The following TNS1 variants were observed in gnomAD, a reference collection of about 807,000 sequenced individuals.
TNS1 encodes tensin-1.
Under a neutral mutation model 168.6 loss-of-function variants are expected in TNS1, and 62 were observed. The ratio of observed to expected loss-of-function variants is 0.37; its 90% CI spans 0.30 to 0.45. TNS1 has a LOEUF of 0.45. Ranked by LOEUF, TNS1 falls within the 20% of genes least tolerant of loss-of-function variation. The pLI, the probability that TNS1 is intolerant of heterozygous loss-of-function variation, is 1.00. For missense variants in TNS1, 2,240 were observed against 2,339.4 expected (o/e 0.96, Z 0.88); for synonymous variants, 934 against 933.2 (o/e 1.00, Z -0.02).
At chr2:217,987,858 G>A (rs557368426) in intron 2 of TNS1, among the ~76,000 whole-genome samples, 17 of 152,276 alleles carry the variant, frequency 1.1e-4, no homozygotes, top group Admixed American at 5.2e-4. Flanking sequence ...CAACCATATC[G>A]GGTGGCCCTG....
chr2:217,968,141 T>C (rs1163544458), intron 3 of TNS1, among the ~76,000 whole-genome samples: 5 of 152,216 alleles, frequency 3.3e-5, no homozygotes, highest in Non-Finnish European at 4.4e-5. Context: ...GAAGGAAACT[T>C]CCTCAACCTG....
At position 217,986,376 on chromosome 2, in the gene TNS1, C is replaced by A. The variant is rs1958192493; in HGVS notation, c.148+4566G>T. Among the ~76,000 whole-genome samples, 1 of 152,224 alleles carries A rather than the reference C, an allele frequency of 6.6e-6. No individual in the cohort carries two copies. Among genetic ancestry groups the A allele is most frequent in the African/African-American group, 2.4e-5 (1 of 41,458 alleles). ...CCCTAAGGAAACTGCAGGTGACTGT[C>A]CCCCATTCCAGGCTCACCAGAGGCA... On this transcript the variant is annotated intron_variant, in intron 2 of 32. Transcript: ENST00000682258. This position sits in a 1 kb window ranked among gnomAD's most constrained non-coding sequence, Gnocchi z 4.7.
intron 22 of TNS1, among the ~76,000 whole-genome samples, chr2:217,830,649 C>T (rs1227217120): frequency 2.6e-5 from 4 of 152,248 alleles, no homozygotes; most frequent in African/African-American, 9.6e-5. Flanking sequence ...GCCAACAGGA[C>T]AGGCTGTTTG....
chr2:217,848,963 G>A lies in TNS1; in HGVS notation c.1554C>T (p.Pro518=). The A allele has an allele frequency of 1.2e-6, 2 of 1,614,136 alleles. No homozygotes were observed. Among genetic ancestry groups the A allele is most frequent in the Non-Finnish European group, 1.7e-6 (2 of 1,180,022 alleles). ...NATRPTLSAT[P]NHVEHTLSVS... ...CAGAAAGCGTGTGTTCCACGTGGTT[G>A]GGGGTGGCCGACAGTGTAGGACGTG... The change falls in exon 19 of 33, where the codon CCC becomes CCT. Residue 518 remains proline (P), a synonymous_variant. Coordinates refer to ENST00000682258, the MANE Select transcript of TNS1 (RefSeq NM_001387777.1).
chr2:217,846,643 C>T (rs1946684806), intron 19 of TNS1, among the ~76,000 whole-genome samples: 1 of 152,220 alleles, frequency 6.6e-6, no homozygotes, highest in African/African-American at 2.4e-5. Context: ...CAAGTTCAGC[C>T]ACCCTTGTGG....
At chr2:217,823,306 T>C (rs565044385) in intron 22 of TNS1, among the ~76,000 whole-genome samples, 72 of 152,178 alleles carry the variant, frequency 4.7e-4, no homozygotes, top group Non-Finnish European at 8.1e-4. Flanking sequence ...TGGGCATGGC[T>C]GGGTTGCCAT....
At chr2:217,899,563 C>T (rs991720060) in intron 7 of TNS1, among the ~76,000 whole-genome samples, 1 of 152,176 alleles carries the variant, frequency 6.6e-6, no homozygotes, top group South Asian at 2.1e-4. Flanking sequence ...GAAAAACTCG[C>T]AAGACAAGCT....
chr2:217,930,336 C>T (rs963305901), intron 3 of TNS1, among the ~76,000 whole-genome samples: 5 of 152,224 alleles, frequency 3.3e-5, no homozygotes, highest in Admixed American at 6.5e-5. Context: ...CTTTCCCAGT[C>T]GGGGGTCACA....
chr2:217,915,410 C>T (rs1347995866), intron 4 of TNS1, among the ~76,000 whole-genome samples: 1 of 152,206 alleles, frequency 6.6e-6, no homozygotes, highest in Non-Finnish European at 1.5e-5. Context: ...CACCCTGTGG[C>T]TCCAGGTCTA....
chr2:217,954,011 C>A (rs1481451495), intron 3 of TNS1, among the ~76,000 whole-genome samples: 2 of 152,194 alleles, frequency 1.3e-5, no homozygotes, highest in Admixed American at 6.5e-5. Flanking sequence ...GCATTTAGGG[C>A]CAGAAGGGGA....
At chr2:217,838,203 A>G (rs1384842772) in intron 19 of TNS1, among the ~76,000 whole-genome samples, 1 of 152,210 alleles carries the variant, frequency 6.6e-6, no homozygotes, top group Non-Finnish European at 1.5e-5. Context: ...AGGGGTGGCC[A>G]GTTTCCCTGC....
At chr2:217,914,522 T>A (rs532406960) in intron 4 of TNS1, among the ~76,000 whole-genome samples, 7 of 152,316 alleles carry the variant, frequency 4.6e-5, no homozygotes, top group African/African-American at 1.7e-4. Flanking sequence ...TTGTTTTTGT[T>A]TTTGTTTTGA....
At chr2:218,004,031 C>T (rs534680046), upstream of TNS1, among the ~76,000 whole-genome samples, 3 of 152,216 alleles carry the variant, frequency 2.0e-5, no homozygotes, top group South Asian at 2.1e-4. Flanking sequence ...GGAACCACCA[C>T]GTTCCCCTCC....
intron 28 of TNS1, 84 bp downstream of exon 28, chr2:217,812,284 T>C: frequency 8.7e-7 from 1 of 1,152,192 alleles, no homozygotes; most frequent in Non-Finnish European, 1.3e-6. Context: ...CCCTGGCCCA[T>C]GTCCGGAGTG....
At chr2:217,963,027 C>T (rs1957537618) in intron 3 of TNS1, among the ~76,000 whole-genome samples, 1 of 152,156 alleles carries the variant, frequency 6.6e-6, no homozygotes, top group African/African-American at 2.4e-5. Context: ...ACTATTTTTG[C>T]AAATTTTGTG....
intron 3 of TNS1, among the ~76,000 whole-genome samples, chr2:217,972,033 TAGG>T (rs1168978745): frequency 2.0e-5 from 3 of 152,176 alleles, no homozygotes; most frequent in Admixed American, 6.5e-5. Flanking sequence ...TTACAGGAAG[TAGG>T]AGAAGGCCAG....
At chr2:217,884,376 G>C (rs1950993829) in intron 16 of TNS1, among the ~76,000 whole-genome samples, 1 of 152,168 alleles carries the variant, frequency 6.6e-6, no homozygotes, top group Non-Finnish European at 1.5e-5. Flanking sequence ...GATGGAGAGA[G>C]AGATGGGTAA....
chr2:217,942,933 C>T (rs1417413890), intron 3 of TNS1, among the ~76,000 whole-genome samples: 1 of 152,204 alleles, frequency 6.6e-6, no homozygotes, highest in Non-Finnish European at 1.5e-5. Flanking sequence ...AGAACAGTAG[C>T]CAGCCTAAAA....
intron 1 of TNS1, among the ~76,000 whole-genome samples, chr2:218,026,052 C>T (rs1002000312): frequency 6.6e-6 from 1 of 152,206 alleles, no homozygotes; most frequent in Non-Finnish European, 1.5e-5. Context: ...GTAAAATCCT[C>T]CATTCAGTCC....
Sources: allele counts gnomAD v4.1 joint callset (sites outside exome capture counted in the v4.1 genomes callset), GRCh38; gene constraint gnomAD v4.1.1; non-coding constraint Gnocchi (gnomAD v3.1); transcripts MANE v1.5; gene names NCBI Gene and HGNC (gene_info 2026-07-23, HGNC 2026-07-21).